LRIG2: variants seen among roughly 807,000 people sequenced by gnomAD.
LRIG2 encodes leucine rich repeats and immunoglobulin like domains 2, also known as leucine-rich repeats and immunoglobulin-like domains protein 2.
A neutral mutation model predicts 107.8 loss-of-function variants in LRIG2; 93 were observed. The observed-to-expected ratio is 0.86, with a 90% CI of 0.73 to 1.03. The LOEUF (loss-of-function observed/expected upper bound fraction) is 1.03. LRIG2 is among the 50% of genes least tolerant of loss of function. LRIG2 has a pLI of 0.00. For missense variants in LRIG2, 1,226 were observed against 1,296.0 expected (o/e 0.95, Z 0.83); for synonymous variants, 471 against 470.6 (o/e 1.00, Z -0.01).
At chr1:113,079,196 C>T (rs1236700094) in intron 1 of LRIG2, among the ~76,000 whole-genome samples, 3 of 151,886 alleles carry the variant, frequency 2.0e-5, no homozygotes, top group East Asian at 3.9e-4. Flanking sequence ...AAAAGTGCAA[C>T]AGTTAGCCAG....
intron 1 of LRIG2, among the ~76,000 whole-genome samples, chr1:113,089,248 C>T (rs1275476388): frequency 2.6e-5 from 4 of 152,178 alleles, no homozygotes; most frequent in Non-Finnish European, 5.9e-5. Context: ...TTGTAACATA[C>T]AGCACATCTT....
rs533441239 is a variant in LRIG2 at position 113,119,315 on chromosome 1, C to T, written c.2763C>T (p.Tyr921=). ...CCAGGACCCGAGAATACTGTCCATACACCTATATTGCTGAGGAGGACGTTC... is the reference window on the plus strand; with the variant it reads ...CCAGGACCCGAGAATACTGTCCATATACCTATATTGCTGAGGAGGACGTTC... The part of the protein sequence containing the change: ...IYSRTREYCP[Y]TYIAEEDVLD... Residue 921 remains tyrosine (Y), a synonymous_variant, in exon 17 of 18, where the codon TAC becomes TAT. Coordinates refer to ENST00000361127, the MANE Select transcript of LRIG2 (RefSeq NM_014813.3). The T allele has an allele frequency of 1.1e-5, 17 of 1,614,080 alleles. No homozygotes were observed. In the South Asian group the frequency reaches 1.9e-4, roughly 18 times the overall value.
Position 113,110,269 on chromosome 1 carries a change from C to T in LRIG2, c.1505C>T (p.Thr502Ile), listed in dbSNP as rs1654713905. Residue 502 changes from threonine to isoleucine, a missense_variant, in exon 13 of 18, where the codon ACA becomes ATA. Around this residue, in one of 3 missense-constraint regions of LRIG2, gnomAD observed 642 missense variants for 712.2 expected, o/e 0.90. Coordinates refer to ENST00000361127, the MANE Select transcript of LRIG2 (RefSeq NM_014813.3). Reference protein sequence around the residue: ...CDDFLKPQIRTHPETIIALRG... With the variant: ...CDDFLKPQIRIHPETIIALRG... ...GATTTTCTCAAGCCACAGATAAGGA[C>T]ACATCCTGAAACCATAATTGCTCTA... 1 of 1,611,280 alleles carries T rather than the reference C, an allele frequency of 6.2e-7. No individual in the cohort carries two copies. The highest frequency in any genetic ancestry group is 1.1e-5 in the South Asian group (1 of 90,842).
chr1:113,120,603 C>T (rs541559000), intron 17 of LRIG2, among the ~76,000 whole-genome samples: 2 of 151,458 alleles, frequency 1.3e-5, no homozygotes, highest in Non-Finnish European at 2.9e-5. Flanking sequence ...CTCCGCCTCC[C>T]GGGTTCAAGC....
At chr1:113,102,996 T>A (rs1466153330) in intron 11 of LRIG2, among the ~76,000 whole-genome samples, 1 of 37,614 alleles carries the variant, frequency 2.7e-5, no homozygotes, top group Non-Finnish European at 5.5e-5. Context: ...ATTAGTATAC[T>A]CCGCCCCCCT....
At chr1:113,115,460 C>T (rs1429128866) in intron 15 of LRIG2, among the ~76,000 whole-genome samples, 1 of 152,142 alleles carries the variant, frequency 6.6e-6, no homozygotes, top group Non-Finnish European at 1.5e-5. Context: ...ATTTGTCCAC[C>T]TTGGCCTCTC....
At chr1:113,086,102 TC>T (rs1292054032) in intron 1 of LRIG2, among the ~76,000 whole-genome samples, 1 of 148,862 alleles carries the variant, frequency 6.7e-6, no homozygotes, top group African/African-American at 2.5e-5. Context: ...CGCCTCCTGT[TC>T]AAGCGATTCT....
chr1:113,127,473 C>G lies in LRIG2; in HGVS notation c.*3372C>G, dbSNP rs572341387. On this transcript the variant is annotated 3_prime_UTR_variant, in exon 18 of 18. Transcript: ENST00000361127. The stretch of plus-strand genomic sequence containing the variant: ...TCTTGAACTCCTGACCTCAGGTGAT[C>G]TGCTTGCCTTGGCCTCCCAAAGTGC... 6.1e-5 allele frequency: 9 copies of G among 148,714 alleles called. No homozygotes were observed. In the East Asian group the frequency reaches 1.8e-3, roughly 30 times the overall value. 9.2% of individuals were successfully genotyped at this position (148,714 alleles called of 1,614,324 possible). A position where few individuals can be genotyped will look rare whatever the true frequency, so the allele number is the denominator to read the frequency against.
intron 13 of LRIG2, 148 bp downstream of exon 13, chr1:113,110,710 G>A (rs1412265549): frequency 2.9e-6 from 2 of 683,588 alleles, no homozygotes; most frequent in African/African-American, 3.6e-5. Context: ...TTATCAAGTG[G>A]GTGGGATTTT....
Position 113,112,744 on chromosome 1 carries a change from T to C in LRIG2, c.2064T>C (p.Ala688=). ...CAGCAGGAGGTCTCTCAGCAAATGCTTCCCTAACAGTGTTAGGTACGTTTA... is the reference window on the plus strand; with the variant it reads ...CAGCAGGAGGTCTCTCAGCAAATGCCTCCCTAACAGTGTTAGGTACGTTTA... ...QNTAGGLSAN[A]SLTVLETPSF... is the part of the protein sequence containing the mutation. The change falls in exon 14 of 18, where the codon GCT becomes GCC. Residue 688 remains alanine (A), a synonymous_variant. Coordinates refer to ENST00000361127, the MANE Select transcript of LRIG2 (RefSeq NM_014813.3). 1 of 1,605,490 alleles carries C rather than the reference T, an allele frequency of 6.2e-7. No individual in the cohort carries two copies. Among genetic ancestry groups the C allele is most frequent in the Non-Finnish European group, 8.5e-7 (1 of 1,172,632 alleles).
intron 17 of LRIG2, among the ~76,000 whole-genome samples, chr1:113,121,019 T>C (rs1190858054): frequency 6.6e-6 from 1 of 151,934 alleles, no homozygotes; most frequent in Non-Finnish European, 1.5e-5. Flanking sequence ...GGTTTCACCA[T>C]GTTGTCCAGG....
Position 113,107,642 on chromosome 1 carries a change from A to C in LRIG2, c.1362A>C (p.Leu454=). The part of the protein sequence containing the change: ...SLLCDCHLKW[L]LQWLVDNNFQ... ...TCTGTGACTGCCATTTGAAGTGGCT[A>C]CTTCAATGGTTGGTTGATAATAACT... The change falls in exon 12 of 18, where the codon CTA becomes CTC. Residue 454 remains leucine (L), a synonymous_variant. Coordinates refer to ENST00000361127, the MANE Select transcript of LRIG2 (RefSeq NM_014813.3). The C allele has an allele frequency of 6.2e-7, 1 of 1,613,842 alleles. No individual in the cohort carries two copies. The highest frequency in any genetic ancestry group is 1.3e-5 in the African/African-American group (1 of 75,024).
chr1:113,097,916 TAAAG>T (rs1212024614), intron 8 of LRIG2, among the ~76,000 whole-genome samples: 3 of 134,744 alleles, frequency 2.2e-5, no homozygotes, highest in Non-Finnish European at 4.9e-5. Flanking sequence ...GCTTTTCACT[TAAAG>T]AAAGCTAAGT....
Position 113,114,432 on chromosome 1 carries a change from C to G in LRIG2, c.2086C>G (p.Pro696Ala). The change falls in exon 15 of 18, where the codon CCC becomes GCC. Residue 696 changes from proline to alanine, a missense_variant. This residue lies in a region of LRIG2 where 642 missense variants were observed against 712.2 expected (regional missense o/e 0.90). Transcript: ENST00000361127. ...ANASLTVLET[P>A]SFIRPLEDKT... The stretch of plus-strand genomic sequence containing the variant: ...TTTTAATGTTTTCCTGTTAGAGACA[C>G]CCTCATTTATTAGACCCCTGGAGGA... 2.5e-6 allele frequency: 4 copies of G among 1,569,248 alleles called. No homozygotes were observed.
At chr1:113,102,081 A>G (rs559145841) in intron 11 of LRIG2, among the ~76,000 whole-genome samples, 1 of 152,284 alleles carries the variant, frequency 6.6e-6, no homozygotes, top group Admixed American at 6.5e-5. Flanking sequence ...CAGCATTTGA[A>G]CCAGGACCTT....
At position 113,126,590 on chromosome 1, in the gene LRIG2, A is replaced by G. The variant is rs570150490; in HGVS notation, c.*2489A>G. On this transcript the variant is annotated 3_prime_UTR_variant, in exon 18 of 18. Coordinates refer to ENST00000361127, the MANE Select transcript of LRIG2 (RefSeq NM_014813.3). ...TGATCCCTACATTGAATCTGAAATTACCACTATATGGATTACTCTGGCTCA... is the reference window on the plus strand; with the variant it reads ...TGATCCCTACATTGAATCTGAAATTGCCACTATATGGATTACTCTGGCTCA... 2 of 152,374 alleles carry G rather than the reference A, an allele frequency of 1.3e-5. No individual in the cohort carries two copies. The highest frequency in any genetic ancestry group is 2.9e-5 in the Non-Finnish European group (2 of 68,032). 9.4% of individuals were successfully genotyped at this position (152,374 alleles called of 1,614,324 possible).
At chr1:113,122,774 A>G (rs1406848923) in intron 17 of LRIG2, among the ~76,000 whole-genome samples, 2 of 152,220 alleles carry the variant, frequency 1.3e-5, no homozygotes, top group Non-Finnish European at 2.9e-5. Context: ...CAGAGTAATG[A>G]CCCCAGAGCA....
intron 1 of LRIG2, among the ~76,000 whole-genome samples, chr1:113,088,023 G>GT (rs1393152266): frequency 6.6e-6 from 1 of 152,212 alleles, no homozygotes; most frequent in Non-Finnish European, 1.5e-5. Context: ...ATCAATCCAT[G>GT]TAATTCTAGT....
rs1433436741 is a variant in LRIG2, at chr1:113,108,264, CCCAG to C, written c.1477+508_1477+511del. Among the ~76,000 whole-genome samples, 9 of 150,192 alleles carry C rather than the reference CCCAG, an allele frequency of 6.0e-5. No homozygotes were observed. The East Asian group carries it at 1.6e-3, about 26-fold the overall frequency. ...TTTCTAATGGAGTCTTGCTGCGTCA[CCCAG>C]GCTGGAGTGCAGTGGTGCGATCTCA... is the stretch of plus-strand genomic sequence containing the variant. On this transcript the variant is annotated intron_variant, in intron 12 of 17. Coordinates refer to ENST00000361127, the MANE Select transcript of LRIG2 (RefSeq NM_014813.3).
Sources: allele counts gnomAD v4.1 joint callset (sites outside exome capture counted in the v4.1 genomes callset), GRCh38; gene constraint gnomAD v4.1.1; regional missense constraint gnomAD v4.1.1; transcripts MANE v1.5; gene names NCBI Gene and HGNC (gene_info 2026-07-23, HGNC 2026-07-21).